Variants in GRIP1 observed in about 807,000 individuals in gnomAD.
GRIP1 encodes the protein glutamate receptor interacting protein 1.
In GRIP1, 45 loss-of-function variants were observed where a neutral mutation model predicts 129.9. The observed-to-expected ratio is 0.35, with a 90% CI of 0.27 to 0.44. GRIP1 has a LOEUF of 0.44. Ranked by LOEUF, GRIP1 falls within the 20% of genes least tolerant of loss-of-function variation. GRIP1 has a pLI of 1.00. For missense variants in GRIP1, 1,196 were observed against 1,396.8 expected (o/e 0.86, Z 2.29); for synonymous variants, 530 against 520.8 (o/e 1.02, Z -0.24).
chr12:66,942,382 C>T (rs2041600609), intron 1 of GRIP1, among the ~76,000 whole-genome samples: 1 of 151,468 alleles, frequency 6.6e-6, no homozygotes, highest in South Asian at 2.1e-4. Context: ...TAGATGACTG[C>T]CAAGCATAAC....
At chr12:66,520,790 G>T (rs7294923) in intron 5 of GRIP1, among the ~76,000 whole-genome samples, 1 of 151,896 alleles carries the variant, frequency 6.6e-6, no homozygotes, top group African/African-American at 2.4e-5. Flanking sequence ...AATTTGATTC[G>T]CTATTGACTA....
At chr12:66,929,531 A>G (rs190749972) in intron 1 of GRIP1, among the ~76,000 whole-genome samples, 1 of 152,306 alleles carries the variant, frequency 6.6e-6, no homozygotes, top group Admixed American at 6.5e-5. Context: ...AGGTTCACAT[A>G]TGGAAGATGA....
chr12:66,508,943 CTT>C (rs2060618060), intron 7 of GRIP1, among the ~76,000 whole-genome samples: 1 of 152,184 alleles, frequency 6.6e-6, no homozygotes, highest in African/African-American at 2.4e-5. Context: ...TTCTACATCT[CTT>C]GTCTCTGTAA....
At chr12:67,017,164 T>G (rs1017443229) in intron 1 of GRIP1, among the ~76,000 whole-genome samples, 1 of 152,114 alleles carries the variant, frequency 6.6e-6, no homozygotes, top group African/African-American at 2.4e-5. Flanking sequence ...AAGAATAAAA[T>G]GTGTACCATC....
chr12:66,592,153 C>T (rs1436488369), intron 2 of GRIP1, among the ~76,000 whole-genome samples: 2 of 152,142 alleles, frequency 1.3e-5, no homozygotes, highest in Non-Finnish European at 2.9e-5. Context: ...CCTGTTGTAG[C>T]CTCTTAACTT....
intron 13 of GRIP1, among the ~76,000 whole-genome samples, chr12:66,441,196 T>C (rs1472216): frequency 0.45 from 68,762 of 152,066 alleles, 16,552 homozygotes; most frequent in East Asian, 0.7. Context: ...TTACTTGAAT[T>C]CTCCATAGTA....
At chr12:66,531,248 AAAAAATATATATATATATATATAT>A (rs1454037575) in intron 4 of GRIP1, among the ~76,000 whole-genome samples, 8 of 55,646 alleles carry the variant, frequency 1.4e-4, no homozygotes, top group African/African-American at 5.9e-4. Flanking sequence ...AAAAAAAAAA[AAAAAATATATATATATATATATAT>A]ATATATATAT....
chr12:66,406,204 T>C, intron 16 of GRIP1, 79 bp downstream of exon 16: 1 of 1,408,022 alleles, frequency 7.1e-7, no homozygotes, highest in African/African-American at 1.4e-5. Flanking sequence ...CTGTTGTATG[T>C]AAAACATCAA....
At chr12:66,659,682 G>A (rs2033381539) in intron 1 of GRIP1, among the ~76,000 whole-genome samples, 1 of 152,094 alleles carries the variant, frequency 6.6e-6, no homozygotes, top group Non-Finnish European at 1.5e-5. Context: ...TAAAATTGCT[G>A]TTCATTCTGA....
rs1026957582 is a variant in GRIP1, at chr12:66,367,905, G to A, written c.3012+3789C>T. ...CACTTCCCTCCCATGTCTACAAAGA[G>A]GATATAAGACTGTGTTTCTTTGTTC... On this transcript the variant is annotated intron_variant, in intron 23 of 24. Transcript: ENST00000359742. 3.9e-5 allele frequency among the ~76,000 whole-genome samples: 6 copies of A among 152,152 alleles called. No individual in the cohort carries two copies. In the East Asian group the frequency reaches 1.2e-3, roughly 29 times the overall value.
chr12:66,794,553 C>T (rs780424466), intron 1 of GRIP1, among the ~76,000 whole-genome samples: 3 of 152,104 alleles, frequency 2.0e-5, no homozygotes, highest in Admixed American at 6.6e-5. Flanking sequence ...GGGGAGGATA[C>T]GATTAAAAAT....
In GRIP1 at chr12:66,379,274, C is replaced by A; in HGVS notation, c.2621+6G>T. On this transcript the variant is annotated splice_donor_region_variant and intron_variant, in intron 20 of 24. Coordinates refer to ENST00000359742, the MANE Select transcript of GRIP1 (RefSeq NM_001366722.1). ...TGGATGAGGCAGCATTGGTTGAAAA[C>A]CTTACCCACTGGCTGTGGACCGGTC... 1 of 1,613,544 alleles carries A rather than the reference C, an allele frequency of 6.2e-7. No individual in the cohort carries two copies. The highest frequency in any genetic ancestry group is 8.5e-7 in the Non-Finnish European group (1 of 1,179,772).
chr12:66,680,089 C>T (rs1361447021), upstream of GRIP1, among the ~76,000 whole-genome samples: 1 of 151,408 alleles, frequency 6.6e-6, no homozygotes, highest in Non-Finnish European at 1.5e-5. Context: ...AGACAGTTGG[C>T]CAGGAAGTTT....
chr12:66,857,771 A>G (rs1468608127), intron 1 of GRIP1, among the ~76,000 whole-genome samples: 1 of 151,990 alleles, frequency 6.6e-6, no homozygotes, highest in Admixed American at 6.6e-5. Flanking sequence ...GGAGACAAGA[A>G]TAAGAGTAGT....
intron 2 of GRIP1, among the ~76,000 whole-genome samples, chr12:66,548,302 A>G (rs2062010589): frequency 6.6e-6 from 1 of 152,202 alleles, no homozygotes; most frequent in Admixed American, 6.5e-5. Context: ...GAGACACTAA[A>G]GGCTCTGTGG....
rs1232627112 is a variant in GRIP1 at position 66,517,928 on chromosome 12, C to T, written c.551G>A (p.Cys184Tyr). The change falls in exon 6 of 25, where the codon TGT becomes TAT. Residue 184 changes from cysteine (C) to tyrosine (Y), a missense_variant. This residue lies in a region of GRIP1 where 16 missense variants were observed against 43.6 expected (regional missense o/e 0.37). Coordinates refer to ENST00000359742, the MANE Select transcript of GRIP1 (RefSeq NM_001366722.1). Reference protein sequence around the residue: ...RNKSRPVVITCVRPGGPADRE... With the variant: ...RNKSRPVVITYVRPGGPADRE... ...GTCAGCAGGCCCTCCAGGACGAACA[C>T]ATGTTATCACAACTGGACGAGATTT... 16 of 1,592,632 alleles carry T rather than the reference C, an allele frequency of 1.0e-5. No homozygotes were observed. Among genetic ancestry groups the T allele is most frequent in the Non-Finnish European group, 1.2e-5 (14 of 1,160,664 alleles).
intron 1 of GRIP1, among the ~76,000 whole-genome samples, chr12:66,624,988 T>C (rs1199183452): frequency 6.8e-6 from 1 of 146,982 alleles, no homozygotes; most frequent in African/African-American, 2.5e-5. Context: ...TTTTAGATCA[T>C]GTATTTCAGT....
chr12:66,863,449 A>C (rs143588754), intron 1 of GRIP1, among the ~76,000 whole-genome samples: 3 of 152,306 alleles, frequency 2.0e-5, no homozygotes, highest in Admixed American at 6.5e-5. Flanking sequence ...GTGGTGAGTA[A>C]GTGTGTTTAG....
At chr12:66,369,340 C>CTTTTTTTTTTTTTTT (rs758593628) in intron 23 of GRIP1, among the ~76,000 whole-genome samples, 8 of 106,770 alleles carry the variant, frequency 7.5e-5, no homozygotes, top group East Asian at 3.2e-4. Context: ...TTAACAAGAT[C>CTTTTTTTTTTTTTTT]TTTTTTTTTT....
Sources: gnomAD v4.1 joint callset for allele counts (sites outside exome capture counted in the v4.1 genomes callset) on GRCh38, gnomAD v4.1.1 for gene constraint, gnomAD v4.1.1 regional missense constraint, MANE v1.5 for transcripts, NCBI Gene and HGNC (gene_info 2026-07-23, HGNC 2026-07-21) for gene names.